Variants in COL15A1 observed in about 807,000 individuals in gnomAD.
COL15A1 encodes the protein collagen alpha-1(XV) chain.
A neutral mutation model predicts 165.9 loss-of-function variants in COL15A1; 111 were observed. The observed-to-expected ratio is 0.67, with a 90% CI of 0.57 to 0.78. The LOEUF (loss-of-function observed/expected upper bound fraction) is 0.78. COL15A1 is among the 30% of genes least tolerant of loss of function. COL15A1 has a pLI of 0.00. For missense variants in COL15A1, 1,745 were observed against 1,789.7 expected (o/e 0.98, Z 0.45); for synonymous variants, 659 against 674.8 (o/e 0.98, Z 0.36).
At chr9:98,992,259 C>T (rs978688133) in intron 5 of COL15A1, among the ~76,000 whole-genome samples, 7 of 152,336 alleles carry the variant, frequency 4.6e-5, no homozygotes, top group Middle Eastern at 3.4e-3. Context: ...TGCGGGAAGG[C>T]GGCTGAGGCC....
chr9:99,016,754 C>T (rs1220570349), intron 11 of COL15A1, among the ~76,000 whole-genome samples: 1 of 152,224 alleles, frequency 6.6e-6, no homozygotes, highest in Non-Finnish European at 1.5e-5. Flanking sequence ...ACTGCTCTTC[C>T]AATGTGAACA....
intron 36 of COL15A1, among the ~76,000 whole-genome samples, chr9:99,060,489 GAA>G (rs1475107893): frequency 7.5e-6 from 1 of 134,168 alleles, no homozygotes; most frequent in African/African-American, 2.8e-5. Context: ...GGCTGGCCTT[GAA>G]CTCATGGGCC....
intron 4 of COL15A1, among the ~76,000 whole-genome samples, chr9:98,987,929 C>A (rs1281084964): frequency 6.6e-6 from 1 of 151,498 alleles, no homozygotes; most frequent in South Asian, 2.1e-4. Context: ...AGTGGCAGAG[C>A]TGAGTGTGAT....
chr9:99,002,078 T>A lies in COL15A1; in HGVS notation c.1065+1127T>A, dbSNP rs564298744. Among the ~76,000 whole-genome samples, 614 of 101,284 alleles carry A rather than the reference T, an allele frequency of 6.1e-3. 2 individuals carry two copies. The highest frequency in any genetic ancestry group is 0.022 in the African/African-American group (583 of 26,334). The allele number at this position is 101,284 out of a possible 152,430, so 66.4% of individuals were successfully genotyped here. A position where few individuals can be genotyped will look rare whatever the true frequency, so the allele number is the denominator to read the frequency against. Reference sequence around the variant, plus strand: ...AATACCCCTCCCTTCTCCATCCCCCTCCCCTCCTCTCCCCTTTCCCTCTCA... The same window carrying A: ...AATACCCCTCCCTTCTCCATCCCCCACCCCTCCTCTCCCCTTTCCCTCTCA... On this transcript the variant is annotated intron_variant, in intron 7 of 41. Transcript: ENST00000375001.
At chr9:98,989,127 A>G in intron 4 of COL15A1, 51 bp from the exon 5 acceptor site, 1 of 1,447,314 alleles carries the variant, frequency 6.9e-7, no homozygotes, top group Admixed American at 1.7e-5. Flanking sequence ...TCCAACTCTT[A>G]TGGGCCCTGC....
chr9:98,944,274 G>C, intron 2 of COL15A1, 24 bp downstream of exon 2: 1 of 1,607,224 alleles, frequency 6.2e-7, no homozygotes. Context: ...TCGGAGGGTG[G>C]CACCGGCTGC....
intron 35 of COL15A1, among the ~76,000 whole-genome samples, chr9:99,058,430 C>T (rs1471877403): frequency 2.0e-5 from 3 of 152,040 alleles, no homozygotes; most frequent in South Asian, 2.1e-4. Context: ...AAGAAGGTGC[C>T]GAGTGTATGG....
chr9:98,987,681 C>T (rs753004255), intron 4 of COL15A1, among the ~76,000 whole-genome samples: 7 of 152,176 alleles, frequency 4.6e-5, no homozygotes, highest in Non-Finnish European at 8.8e-5. Flanking sequence ...CTGAGATATT[C>T]TGGGAGTAAA....
intron 2 of COL15A1, among the ~76,000 whole-genome samples, chr9:98,959,089 G>A (rs1564010175): frequency 6.6e-6 from 1 of 151,324 alleles, no homozygotes; most frequent in Non-Finnish European, 1.5e-5. Context: ...TTGTAGCTTT[G>A]TTTTAAAGAA....
At chr9:99,063,814 G>A (rs1309675203) in intron 39 of COL15A1, among the ~76,000 whole-genome samples, 2 of 152,080 alleles carry the variant, frequency 1.3e-5, no homozygotes, top group Non-Finnish European at 2.9e-5. Context: ...TGACTAATTG[G>A]GTCATTGATT....
At chr9:99,039,731 T>A (rs968687951) in intron 22 of COL15A1, among the ~76,000 whole-genome samples, 5 of 152,202 alleles carry the variant, frequency 3.3e-5, no homozygotes, top group African/African-American at 1.2e-4. Flanking sequence ...CACACCACTC[T>A]GAGCCCCTAA....
chr9:98,979,295 C>A (rs966904731), intron 2 of COL15A1, among the ~76,000 whole-genome samples: 1 of 152,168 alleles, frequency 6.6e-6, no homozygotes, highest in Non-Finnish European at 1.5e-5. Flanking sequence ...ATTAAATTGC[C>A]TCCCACCACG....
At chr9:99,004,633 A>G (rs1016083965) in intron 8 of COL15A1, among the ~76,000 whole-genome samples, 2 of 152,172 alleles carry the variant, frequency 1.3e-5, no homozygotes, top group Non-Finnish European at 2.9e-5. Flanking sequence ...TGGAAGGGCT[A>G]TTGGTGAGCA....
chr9:99,035,261 C>T, intron 18 of COL15A1, 89 bp from the exon 19 acceptor site: 2 of 1,601,466 alleles, frequency 1.2e-6, no homozygotes, highest in Non-Finnish European at 1.7e-6. Context: ...GCGGATTCCC[C>T]TGTGAGCCGC....
At chr9:99,042,300 C>G (rs1349513675) in intron 24 of COL15A1, among the ~76,000 whole-genome samples, 193 bp downstream of exon 24, 1 of 152,186 alleles carries the variant, frequency 6.6e-6, no homozygotes, top group Non-Finnish European at 1.5e-5. Context: ...ATGAACCACT[C>G]TGTAATTCTA....
intron 3 of COL15A1, among the ~76,000 whole-genome samples, chr9:98,986,725 G>T (rs1838320547): frequency 1.3e-5 from 2 of 152,246 alleles, no homozygotes; most frequent in Non-Finnish European, 2.9e-5. Flanking sequence ...TTGGTGAACA[G>T]GACAGCACCA....
intron 7 of COL15A1, among the ~76,000 whole-genome samples, chr9:99,002,808 A>G (rs555345360): frequency 5.9e-5 from 9 of 152,372 alleles, no homozygotes; most frequent in African/African-American, 2.2e-4. Context: ...TGCAGCAAGG[A>G]AATCTTTTTA....
intron 2 of COL15A1, among the ~76,000 whole-genome samples, chr9:98,982,428 A>C (rs1838247548): frequency 6.6e-6 from 1 of 152,176 alleles, no homozygotes; most frequent in Non-Finnish European, 1.5e-5. Context: ...AGTTGGGAAG[A>C]CCCATTTTTC....
At chr9:99,030,337 TTCTC>T (rs1249117347) in intron 16 of COL15A1, among the ~76,000 whole-genome samples, 2 of 152,220 alleles carry the variant, frequency 1.3e-5, no homozygotes, top group Admixed American at 1.3e-4. Context: ...TGCACAAAAA[TTCTC>T]TCACTAAGAA....
Sources: allele counts gnomAD v4.1 joint callset (sites outside exome capture counted in the v4.1 genomes callset), GRCh38; gene constraint gnomAD v4.1.1; transcripts MANE v1.5; gene names NCBI Gene and HGNC (gene_info 2026-07-23, HGNC 2026-07-21).